The following DISC1 variants were observed in gnomAD, a reference collection of about 807,000 sequenced individuals.
DISC1 encodes the protein DISC1 scaffold protein.
A neutral mutation model predicts 84.5 loss-of-function variants in DISC1; 57 were observed. That is an observed-to-expected ratio of 0.67 (90% CI 0.55 to 0.84). DISC1 has a LOEUF of 0.84. DISC1 is among the 40% of genes least tolerant of loss of function. The pLI is 0.00. For missense variants in DISC1, 1,000 were observed against 1,057.8 expected (o/e 0.95, Z 0.76); for synonymous variants, 411 against 415.2 (o/e 0.99, Z 0.12).
chr1:231,908,183 G>A (rs565383233), intron 9 of DISC1, among the ~76,000 whole-genome samples: 119 of 152,280 alleles, frequency 7.8e-4, no homozygotes, highest in African/African-American at 2.8e-3. Flanking sequence ...AGTTTAATTA[G>A]ATCCCATTTG....
At chr1:231,749,640 A>G (rs1331047848) in intron 3 of DISC1, among the ~76,000 whole-genome samples, 8 of 152,212 alleles carry the variant, frequency 5.3e-5, no homozygotes, top group Non-Finnish European at 4.4e-5. Flanking sequence ...AATTAATATT[A>G]AGTATCCCTC....
At chr1:231,663,969 C>G (rs1391619835) in intron 1 of DISC1, among the ~76,000 whole-genome samples, 2 of 151,992 alleles carry the variant, frequency 1.3e-5, no homozygotes, top group Non-Finnish European at 2.9e-5. Flanking sequence ...ACAGATATGG[C>G]CAAACTGTTT....
At position 232,026,588 on chromosome 1, in the gene DISC1, G is replaced by T. The variant is rs745358245; in HGVS notation, c.2425+36G>T. ...CATCTTGCAGATGAAGCAAGGCAAAGTTATTTTATAAAAGAGAGTCTTTAA... is the reference window on the plus strand; with the variant it reads ...CATCTTGCAGATGAAGCAAGGCAAATTTATTTTATAAAAGAGAGTCTTTAA... On this transcript the variant is annotated intron_variant, in intron 12 of 12. Coordinates refer to ENST00000439617, the MANE Select transcript of DISC1 (RefSeq NM_018662.3). 9 of 1,490,598 alleles carry T rather than the reference G, an allele frequency of 6.0e-6. No homozygotes were observed. In the East Asian group the frequency reaches 1.2e-4, roughly 20 times the overall value. The allele number at this position is 1,490,598 out of a possible 1,614,324, so 92.3% of individuals were successfully genotyped here. A position where few individuals can be genotyped will look rare whatever the true frequency, so the allele number is the denominator to read the frequency against.
At chr1:232,004,643 G>C (rs1450265054) in intron 10 of DISC1, among the ~76,000 whole-genome samples, 1 of 152,076 alleles carries the variant, frequency 6.6e-6, no homozygotes, top group Non-Finnish European at 1.5e-5. Context: ...AATATGAAAA[G>C]ATAATTCACA....
chr1:231,973,288 A>T (rs1168744594), intron 10 of DISC1, among the ~76,000 whole-genome samples: 1 of 152,154 alleles, frequency 6.6e-6, no homozygotes, highest in Admixed American at 6.5e-5. Context: ...CCTCGTGATC[A>T]GCCTGCCTTG....
chr1:231,714,451 G>A (rs1213607237), intron 3 of DISC1, among the ~76,000 whole-genome samples: 1 of 152,148 alleles, frequency 6.6e-6, no homozygotes, highest in Admixed American at 6.5e-5. Context: ...ACTCCAAACT[G>A]TGCAATGATT....
intron 9 of DISC1, among the ~76,000 whole-genome samples, chr1:231,841,372 C>CA (rs927506727): frequency 6.6e-6 from 1 of 152,240 alleles, no homozygotes; most frequent in African/African-American, 2.4e-5. Context: ...GCCAGGTGTG[C>CA]ACACTCCCCA....
chr1:231,891,263 C>T (rs1006465138), intron 9 of DISC1, among the ~76,000 whole-genome samples: 1 of 152,110 alleles, frequency 6.6e-6, no homozygotes, highest in African/African-American at 2.4e-5. Context: ...AGAAAGTTTA[C>T]GAATTTGTAT....
intron 9 of DISC1, among the ~76,000 whole-genome samples, chr1:231,831,954 T>G (rs2125822473): frequency 6.6e-6 from 1 of 151,542 alleles, no homozygotes; most frequent in South Asian, 2.1e-4. Flanking sequence ...GGAACTGCCA[T>G]CAATAAACCA....
intron 1 of DISC1, among the ~76,000 whole-genome samples, chr1:231,693,463 C>T: frequency 6.6e-6 from 1 of 152,282 alleles, no homozygotes; most frequent in South Asian, 2.1e-4. Context: ...GCTTTCCAGG[C>T]CCACTCCAGG....
At chr1:231,896,797 A>G (rs972738915) in intron 9 of DISC1, among the ~76,000 whole-genome samples, 2 of 152,346 alleles carry the variant, frequency 1.3e-5, no homozygotes, top group African/African-American at 2.4e-5. Flanking sequence ...CATGTCGTTC[A>G]GTAAATATTA....
intron 1 of DISC1, among the ~76,000 whole-genome samples, chr1:231,633,615 C>T (rs1346985534): frequency 6.6e-6 from 1 of 152,144 alleles, no homozygotes; most frequent in Non-Finnish European, 1.5e-5. Context: ...GCCCGAATGT[C>T]GTAGCTACTT....
rs374290063 is a variant in DISC1 at position 231,693,854 on chromosome 1, G to A, written c.96G>A (p.Ala32=). The part of the protein sequence containing the change: ...AGSRDCLPPA[A]CFRRRRLARR... ...GCCGGGATTGCTTACCACCTGCAGC[G>A]TGCTTTCGGAGGCGGCGGCTGGCAC... is the stretch of plus-strand genomic sequence containing the variant. Residue 32 remains alanine (A), a synonymous_variant, in exon 2 of 13, where the codon GCG becomes GCA. Transcript: ENST00000439617. The A allele has an allele frequency of 1.2e-5, 19 of 1,613,804 alleles. No individual in the cohort carries two copies. Among genetic ancestry groups the A allele is most frequent in the Middle Eastern group, 1.7e-4 (1 of 5,900 alleles).
intron 10 of DISC1, among the ~76,000 whole-genome samples, chr1:231,983,662 G>A (rs1355449977): frequency 6.8e-6 from 1 of 147,566 alleles, no homozygotes; most frequent in Non-Finnish European, 1.5e-5. Flanking sequence ...GGTGGAGGTG[G>A]GGTGGGACCC....
intron 10 of DISC1, among the ~76,000 whole-genome samples, chr1:231,964,324 C>G (rs1340073987): frequency 6.6e-6 from 1 of 152,184 alleles, no homozygotes; most frequent in East Asian, 1.9e-4. Context: ...CCTCTCCAGC[C>G]ATGCTGACGT....
chr1:231,694,873 A>G lies in DISC1; in HGVS notation c.1047+68A>G, dbSNP rs2065447534. On this transcript the variant is annotated intron_variant, in intron 2 of 12. Transcript: ENST00000439617. ...CTCAGATTAGCACTGGGCAGACGGC[A>G]GGAAACGAGGGGTTCTGGGCTCAAC... 3.2e-6 allele frequency: 5 copies of G among 1,577,966 alleles called. No individual in the cohort carries two copies. The South Asian group carries it at 5.8e-5, about 18-fold the overall frequency.
intron 6 of DISC1, 160 bp downstream of exon 6, chr1:231,771,230 TG>T (rs2076530499): frequency 6.9e-7 from 1 of 1,448,350 alleles, no homozygotes; most frequent in African/African-American, 1.4e-5. Flanking sequence ...TTCTTCACGG[TG>T]TGGGGCAGTC....
intron 9 of DISC1, among the ~76,000 whole-genome samples, chr1:231,856,529 C>T (rs2084283203): frequency 6.6e-6 from 1 of 152,228 alleles, no homozygotes; most frequent in Admixed American, 6.5e-5. Flanking sequence ...TTGATTCTCT[C>T]TCATGTCCCT....
At position 231,959,098 on chromosome 1, in the gene DISC1, TA is replaced by T. The variant is rs1255110795; in HGVS notation, c.2042+214del. The T allele has an allele frequency of 6.7e-6, 9 of 1,337,614 alleles. No homozygotes were observed. In the African/African-American group the frequency reaches 1.4e-4, roughly 20 times the overall value. 82.9% of individuals were successfully genotyped at this position (1,337,614 alleles called of 1,614,324 possible). ...TAAAAAGTAAGTAGATTAAGATGTT[TA>T]AAAGTGTCTTGGAGAGATCACAGGA... On this transcript the variant is annotated intron_variant, in intron 10 of 12. Transcript: ENST00000439617.
Sources: gnomAD v4.1 joint callset for allele counts (sites outside exome capture counted in the v4.1 genomes callset) on GRCh38, gnomAD v4.1.1 for gene constraint, MANE v1.5 for transcripts, NCBI Gene and HGNC (gene_info 2026-07-23, HGNC 2026-07-21) for gene names.